RCC1L: variants seen among roughly 807,000 people sequenced by gnomAD.
RCC1L encodes the protein RCC1 like.
A neutral mutation model predicts 58.6 loss-of-function variants in RCC1L; 46 were observed. The ratio of observed to expected loss-of-function variants is 0.79; its 90% confidence interval spans 0.62 to 1.00. The LOEUF is 1.00. RCC1L is among the 50% of genes least tolerant of loss of function. The probability of loss-of-function intolerance (pLI) is 0.00; values close to 1 mark genes in which losing one functional copy is unlikely to be tolerated. For synonymous variants in RCC1L, 281 were observed against 262.9 expected (o/e 1.07, Z -0.67); for missense variants, 636 against 623.6 (o/e 1.02, Z -0.21).
intron 3 of RCC1L, among the ~76,000 whole-genome samples, chr7:75,065,190 A>T (rs76607518): frequency 7.2e-6 from 1 of 139,588 alleles, no homozygotes; most frequent in African/African-American, 2.6e-5. Context: ...CTTTTTAATT[A>T]AAAAAAAAAA....
chr7:75,032,799 C>T (rs1045511335), intron 10 of RCC1L, among the ~76,000 whole-genome samples: 103 of 152,146 alleles, frequency 6.8e-4, no homozygotes, highest in Non-Finnish European at 1.1e-3. Flanking sequence ...GGGCTGGGTG[C>T]GGTGGCTCAC....
chr7:75,073,600 G>C lies in RCC1L; in HGVS notation c.138C>G (p.Pro46=). 1 of 1,528,078 alleles carries C rather than the reference G, an allele frequency of 6.5e-7. No homozygotes were observed. Among genetic ancestry groups the C allele is most frequent in the Non-Finnish European group, 8.7e-7 (1 of 1,148,640 alleles). The allele number at this position is 1,528,078 out of a possible 1,614,324, so 94.7% of individuals were successfully genotyped here. Residue 46 remains proline (P), a synonymous_variant, in exon 1 of 11, where the codon CCC becomes CCG. Coordinates refer to ENST00000610322, the MANE Select transcript of RCC1L (RefSeq NM_030798.5). ...CGCGCTCGCCCACGTACTGGACCAC[G>C]GGCACCTCCGCCTCGGCTTCTGCCG... ...REAAEAEAEV[P]VVQYVGERAA... is the part of the protein sequence containing the mutation.
intron 7 of RCC1L, chr7:75,057,942 G>C (rs1806132504): frequency 8.3e-6 from 3 of 363,216 alleles, no homozygotes; most frequent in Non-Finnish European, 1.6e-5. Context: ...TGGATCACTT[G>C]AGGTCAGGAG....
chr7:75,072,850 C>G (rs1249784960), intron 1 of RCC1L, among the ~76,000 whole-genome samples: 1 of 151,980 alleles, frequency 6.6e-6, no homozygotes, highest in East Asian at 1.9e-4. Flanking sequence ...GGTGGCAGGA[C>G]GATCTCTTGA....
Position 75,073,722 on chromosome 7 carries a change from A to G in RCC1L, c.16T>C (p.Leu6=), listed in dbSNP as rs943620902. The part of the protein sequence containing the change: MALVA[L]VAGARLGRRL... ...CGCCCCAGCCGAGCCCCAGCCACCAACGCCACCAGCGCCATCCTCCGTTCC... is the reference window on the plus strand; with the variant it reads ...CGCCCCAGCCGAGCCCCAGCCACCAGCGCCACCAGCGCCATCCTCCGTTCC... Residue 6 remains leucine (L), a synonymous_variant, in exon 1 of 11, where the codon TTG becomes CTG. Coordinates refer to ENST00000610322, the MANE Select transcript of RCC1L (RefSeq NM_030798.5). 2.6e-4 allele frequency: 391 copies of G among 1,504,168 alleles called. No homozygotes were observed. Among genetic ancestry groups the G allele is most frequent in the Non-Finnish European group, 3.2e-4 (368 of 1,133,612 alleles). 93.2% of individuals were successfully genotyped at this position (1,504,168 alleles called of 1,614,324 possible). A position where few individuals can be genotyped will look rare whatever the true frequency, so the allele number is the denominator to read the frequency against.
chr7:75,047,620 G>T (rs1805766741), intron 10 of RCC1L, among the ~76,000 whole-genome samples: 2 of 152,100 alleles, frequency 1.3e-5, no homozygotes, highest in Admixed American at 1.3e-4. Flanking sequence ...ACCTAGGTGG[G>T]TACATACACA....
rs1420184827 is a variant in RCC1L, at chr7:75,042,499, C to A, written c.*533G>T. ...AGGCCACGGTGCTTCTAGTGTCCCC[C>A]CAGCGAGCTTGCGGTGTGGCAGGCG... On this transcript the variant is annotated 3_prime_UTR_variant, in exon 11 of 11. Coordinates refer to ENST00000610322, the MANE Select transcript of RCC1L (RefSeq NM_030798.5). 3.0e-5 allele frequency: 30 copies of A among 990,888 alleles called. No individual in the cohort carries two copies. The East Asian group carries it at 3.0e-3, about 100-fold the overall frequency. 61.4% of individuals were successfully genotyped at this position (990,888 alleles called of 1,614,324 possible).
downstream of RCC1L, among the ~76,000 whole-genome samples, chr7:75,037,186 G>A (rs1032141036): frequency 4.6e-5 from 7 of 152,060 alleles, no homozygotes; most frequent in East Asian, 1.2e-3. Flanking sequence ...ATTTATTTAC[G>A]TATTTATTTA....
intron 2 of RCC1L, among the ~76,000 whole-genome samples, chr7:75,067,545 C>T (rs782343308): frequency 3.9e-5 from 6 of 152,226 alleles, no homozygotes; most frequent in African/African-American, 1.2e-4. Flanking sequence ...AGGAGAACTG[C>T]TTGAACCCAG....
At chr7:75,069,147 G>A (rs185746860) in intron 2 of RCC1L, among the ~76,000 whole-genome samples, 6 of 152,056 alleles carry the variant, frequency 3.9e-5, no homozygotes, top group East Asian at 1.9e-4. Context: ...GATTACAGGC[G>A]TGAGCCACTG....
At chr7:75,050,831 C>T (rs1030048155) in intron 10 of RCC1L, among the ~76,000 whole-genome samples, 2 of 152,114 alleles carry the variant, frequency 1.3e-5, no homozygotes, top group Non-Finnish European at 1.5e-5. Flanking sequence ...ATGGGTCATG[C>T]CTGTAATCCC....
rs1026661532 is a variant in RCC1L, at chr7:75,050,907, C to G, written c.1317+1804G>C. Among the ~76,000 whole-genome samples the G allele has an allele frequency of 6.6e-5, 10 of 152,150 alleles. No homozygotes were observed. In the East Asian group the frequency reaches 1.9e-3, roughly 29 times the overall value. ...GGAAGTTTGAGACCAGCCTGGGCAA[C>G]ATAGTGAGACTCCCATCTCTACTAA... On this transcript the variant is annotated intron_variant, in intron 10 of 10. Coordinates refer to ENST00000610322, the MANE Select transcript of RCC1L (RefSeq NM_030798.5).
chr7:75,059,862 G>A (rs1487704984), intron 6 of RCC1L, among the ~76,000 whole-genome samples: 1 of 152,168 alleles, frequency 6.6e-6, no homozygotes, highest in Non-Finnish European at 1.5e-5. Flanking sequence ...GTGGGTTCAT[G>A]CCATTCTCCC....
rs1806870874 is a variant in RCC1L, at chr7:75,073,800, C to T, written c.-63G>A. 6.7e-7 allele frequency: 1 copy of T among 1,500,454 alleles called. No homozygotes were observed. Among genetic ancestry groups the T allele is most frequent in the Non-Finnish European group, 8.8e-7 (1 of 1,130,296 alleles). The allele number at this position is 1,500,454 out of a possible 1,614,324, so 92.9% of individuals were successfully genotyped here. A position where few individuals can be genotyped will look rare whatever the true frequency, so the allele number is the denominator to read the frequency against. On this transcript the variant is annotated 5_prime_UTR_variant, in exon 1 of 11. Transcript: ENST00000610322. ...ATCTTGCGTGACCCTTAACACCAGT[C>T]CTCGCCGGAAGAGGCTACGGCCACT... is the stretch of plus-strand genomic sequence containing the variant.
At chr7:75,061,067 T>G (rs972639731) in intron 6 of RCC1L, 140 bp downstream of exon 6, 76 of 787,000 alleles carry the variant, frequency 9.7e-5, no homozygotes, top group Admixed American at 1.5e-4. Flanking sequence ...GAGCCAAGAA[T>G]AGTGTTCCTC....
At chr7:75,068,036 C>T (rs936551889) in intron 2 of RCC1L, among the ~76,000 whole-genome samples, 4 of 151,742 alleles carry the variant, frequency 2.6e-5, no homozygotes, top group African/African-American at 4.8e-5. Context: ...AAATGTAACG[C>T]GGGCCGGGCA....
chr7:75,042,093 T>G (rs1158252659), downstream of RCC1L: 1 of 785,640 alleles, frequency 1.3e-6, no homozygotes, highest in Non-Finnish European at 1.5e-6. Flanking sequence ...AAAGTATTTT[T>G]CACTGGCTTC....
At chr7:75,052,591 G>A (rs1554443464) in intron 10 of RCC1L, 120 bp downstream of exon 10, 13 of 919,404 alleles carry the variant, frequency 1.4e-5, no homozygotes, top group Middle Eastern at 5.3e-4. Flanking sequence ...GCCAGGACCC[G>A]GAAGGGGGAG....
At chr7:75,053,059 G>T (rs1805964105) in intron 9 of RCC1L, among the ~76,000 whole-genome samples, 1 of 149,602 alleles carries the variant, frequency 6.7e-6, no homozygotes, top group Non-Finnish European at 1.5e-5. Flanking sequence ...ATGGGGCAGG[G>T]GGCAGTGCAC....
Sources: allele counts gnomAD v4.1 joint callset (sites outside exome capture counted in the v4.1 genomes callset), GRCh38; gene constraint gnomAD v4.1.1; transcripts MANE v1.5; gene names NCBI Gene and HGNC (gene_info 2026-07-23, HGNC 2026-07-21).